The following JAG2 variants were observed in gnomAD, a reference collection of about 807,000 sequenced individuals.
JAG2 encodes the protein jagged canonical Notch ligand 2.
In JAG2, 46 loss-of-function variants were observed where a neutral mutation model predicts 141.7. The observed-to-expected ratio is 0.32, with a 90% CI of 0.26 to 0.42. The LOEUF (loss-of-function observed/expected upper bound fraction) is 0.42, where lower values mean the gene tolerates loss of function less well. Among genes scored for constraint, JAG2 ranks in the 10% least tolerant of loss-of-function variants. The pLI is 1.00. For synonymous variants in JAG2, 862 were observed against 763.5 expected, an observed-to-expected ratio of 1.13 and a Z score of -2.13; for missense variants, 1,500 against 1,817.5, an observed-to-expected ratio of 0.83 and a Z score of 3.18.
intron 18 of JAG2, 38 bp from the exon 19 acceptor site, chr14:105,147,565 ACCC>A (rs1267353079): frequency 1.9e-6 from 3 of 1,598,606 alleles, no homozygotes; most frequent in East Asian, 4.5e-5. Context: ...ATCAGTACCC[ACCC>A]CCCAAGCGTG....
intron 7 of JAG2, 55 bp downstream of exon 7, chr14:105,151,879 GCTCC>G: frequency 1.2e-6 from 2 of 1,611,220 alleles, no homozygotes; most frequent in Non-Finnish European, 1.7e-6. Flanking sequence ...GGCCTGACCG[GCTCC>G]CCAGGGAACC....
At chr14:105,150,006 T>G (rs1028639094) in intron 12 of JAG2, among the ~76,000 whole-genome samples, 1 of 11,018 alleles carries the variant, frequency 9.1e-5, no homozygotes, top group South Asian at 3.4e-3. Flanking sequence ...AGGGGAGGGG[T>G]GATAGTGAGG....
chr14:105,146,682 G>C lies in JAG2; in HGVS notation c.2522C>G (p.Thr841Arg). ...CQSSPCAYGA[T>R]CVDEINGYRC... is the part of the protein sequence containing the mutation. ...ATACCCGTTGATCTCATCCACACAC[G>C]TGGCCCCGTAGGCACAGGGCGAGGA... Residue 841 changes from threonine to arginine, a missense_variant, in exon 21 of 26, where the codon ACG (threonine) becomes AGG (arginine). Around this residue, in one of 3 missense-constraint regions of JAG2, gnomAD observed 875 missense variants for 1,202.2 expected, o/e 0.73. Transcript: ENST00000331782. 6.2e-7 allele frequency: 1 copy of C among 1,612,686 alleles called. No individual in the cohort carries two copies. Among genetic ancestry groups the C allele is most frequent in the Non-Finnish European group, 8.5e-7 (1 of 1,179,872 alleles).
chr14:105,157,816 G>A (rs587738419), intron 2 of JAG2, 53 bp from the exon 3 acceptor site: 132 of 1,482,742 alleles, frequency 8.9e-5, no homozygotes, highest in Non-Finnish European at 1.2e-4. Flanking sequence ...TGCCTGCCTC[G>A]TTCAGGGTGG....
Position 105,152,406 on chromosome 14 carries a change from CT to C in JAG2, c.789-116del, listed in dbSNP as rs1888464871. The C allele has an allele frequency of 7.2e-6, 9 of 1,246,668 alleles. No individual in the cohort carries two copies. In the Admixed American group the frequency reaches 1.6e-4, roughly 22 times the overall value. 77.2% of individuals were successfully genotyped at this position (1,246,668 alleles called of 1,614,324 possible). ...CCAGGGCCGGCGGGCGGCCTCAGGC[CT>C]TTGAACTGGAGCAGCCCCAGCCAGG... is the stretch of plus-strand genomic sequence containing the variant. On this transcript the variant is annotated intron_variant, in intron 5 of 25. Coordinates refer to ENST00000331782, the MANE Select transcript of JAG2 (RefSeq NM_002226.5).
At position 105,168,369 on chromosome 14, in the gene JAG2, C is replaced by A; in HGVS notation, c.52G>T (p.Ala18Ser). ...GCCCCGCTCACCTGCACCCAGAGCGCCAGCAGCAGCAGCAGCCGCCGGGGA... is the reference window on the plus strand; with the variant it reads ...GCCCCGCTCACCTGCACCCAGAGCGACAGCAGCAGCAGCAGCCGCCGGGGA... Reference protein sequence around the residue: ...RLPRRLLLLLALWVQAARPMG... With the variant: ...RLPRRLLLLLSLWVQAARPMG... The change falls in exon 1 of 26, where the codon GCG (alanine) becomes TCG (serine). Residue 18 changes from alanine (A) to serine (S), a missense_variant. Physicochemically the swap from Ala to Ser is moderately conservative, Grantham distance 99. Coordinates refer to ENST00000331782, the MANE Select transcript of JAG2 (RefSeq NM_002226.5). The A allele has an allele frequency of 9.9e-7, 1 of 1,012,358 alleles. No homozygotes were observed. The highest frequency in any genetic ancestry group is 1.2e-6 in the Non-Finnish European group (1 of 820,446). The allele number at this position is 1,012,358 out of a possible 1,614,324, so 62.7% of individuals were successfully genotyped here. A position where few individuals can be genotyped will look rare whatever the true frequency, so the allele number is the denominator to read the frequency against.
chr14:105,148,713 C>A, intron 15 of JAG2, 32 bp downstream of exon 15: 1 of 1,520,942 alleles, frequency 6.6e-7, no homozygotes, highest in Non-Finnish European at 8.9e-7. Context: ...GGTGGAGGCA[C>A]AGGCCGTGTG....
In JAG2 at chr14:105,167,036, C is replaced by T. The variant is rs1373637647; in HGVS notation, c.417+721G>A. Among the ~76,000 whole-genome samples the T allele has an allele frequency of 1.3e-5, 2 of 152,156 alleles. No individual in the cohort carries two copies. Among genetic ancestry groups the T allele is most frequent in the South Asian group, 2.1e-4 (1 of 4,832 alleles). ...TTTCCCAGTGACACTGGACCCCTAC[C>T]ACCCCTCCTCCCAGCACGCCCAGGC... On this transcript the variant is annotated intron_variant, in intron 2 of 25. Transcript: ENST00000331782. This position sits in a 1 kb window ranked among gnomAD's most constrained non-coding sequence, Gnocchi z 4.8.
chr14:105,168,318 C>G, intron 1 of JAG2, 37 bp downstream of exon 1: 2 of 738,484 alleles, frequency 2.7e-6, no homozygotes, highest in Middle Eastern at 6.4e-4. Flanking sequence ...CGGTGTGCCC[C>G]GTCCGCGACC....
chr14:105,166,270 C>T (rs940571969), intron 2 of JAG2, among the ~76,000 whole-genome samples: 1 of 152,264 alleles, frequency 6.6e-6, no homozygotes, highest in Non-Finnish European at 1.5e-5. Flanking sequence ...CACATTCCTC[C>T]AAGACCTCCC....
chr14:105,148,433 T>C lies in JAG2; in HGVS notation c.2027A>G (p.Asn676Ser). Reference sequence around the variant, plus strand: ...GTGGCAGGGATCGGGAAGGCAGTCGTTGGGATCTGGGGGCGAGGACGCCGG... The same window carrying C: ...GTGGCAGGGATCGGGAAGGCAGTCGCTGGGATCTGGGGGCGAGGACGCCGG... ...WEGELCDTNP[N>S]DCLPDPCHSR... The change falls in exon 16 of 26, where the codon AAC becomes AGC. Residue 676 changes from asparagine (N) to serine (S), a missense_variant. Physicochemically the swap from Asn to Ser is conservative, Grantham distance 46 (BLOSUM62 1). Coordinates refer to ENST00000331782, the MANE Select transcript of JAG2 (RefSeq NM_002226.5). 1 of 1,610,828 alleles carries C rather than the reference T, an allele frequency of 6.2e-7. No homozygotes were observed. Among genetic ancestry groups the C allele is most frequent in the South Asian group, 1.1e-5 (1 of 91,002 alleles).
At chr14:105,152,386 G>A in intron 5 of JAG2, 95 bp from the exon 6 acceptor site, 1 of 1,453,780 alleles carries the variant, frequency 6.9e-7, no homozygotes, top group Non-Finnish European at 9.4e-7. Context: ...CACACCCAGG[G>A]CCGGCGGGCG....
At chr14:105,157,133 C>T (rs893760262) in intron 3 of JAG2, among the ~76,000 whole-genome samples, 18 of 152,194 alleles carry the variant, frequency 1.2e-4, no homozygotes, top group Non-Finnish European at 2.1e-4. Context: ...ACAGCCCACC[C>T]TCCATAAGGC....
chr14:105,145,840 TC>T lies in JAG2; in HGVS notation c.2842del (p.Glu948SerfsTer94). The T allele has an allele frequency of 1.3e-6, 2 of 1,561,056 alleles. No homozygotes were observed. The highest frequency in any genetic ancestry group is 1.2e-5 in the South Asian group (1 of 84,924). On this transcript the variant is annotated frameshift_variant, in exon 23 of 26. Transcript: ENST00000331782. LOFTEE classifies it high-confidence loss of function. ...GCTCGGTGGCTCTTCTGCGCCGCAC[TC>T]CCCCCAGGCCTCACAGGGTGGTCGC... ...CLRPPCEAWG[E>X]CGAEEPPSTP...
At position 105,146,477 on chromosome 14, in the gene JAG2, A is replaced by G. The variant is rs757781303; in HGVS notation, c.2617T>C (p.Trp873Arg). 1.4e-5 allele frequency: 23 copies of G among 1,612,662 alleles called. 1 individual carries two copies. Among genetic ancestry groups the G allele is most frequent in the Non-Finnish European group, 1.9e-5 (23 of 1,179,916 alleles). Residue 873 changes from tryptophan to arginine, a missense_variant, in exon 22 of 26, where the codon TGG (tryptophan) becomes CGG (arginine). Coordinates refer to ENST00000331782, the MANE Select transcript of JAG2 (RefSeq NM_002226.5). ...QEVIGFGRSC[W>R]SRGTPFPHGS... ...TGTGGGAACGGAGTGCCCCGGGACC[A>G]GCAGGATCTCCCGAACCCGATCACT...
In JAG2 at chr14:105,147,820, A is replaced by G. The variant is rs1371600882; in HGVS notation, c.2317T>C (p.Phe773Leu). 6.5e-7 allele frequency: 1 copy of G among 1,550,154 alleles called. No homozygotes were observed. The highest frequency in any genetic ancestry group is 8.7e-7 in the Non-Finnish European group (1 of 1,147,724). ...GGTCVGSGAS[F>L]SCICRDGWEG... ...CAGCCGTCCCGGCAGATGCAGGAGA[A>G]GGAGGCCCCGCTGCCCACGCAGGTG... The change falls in exon 18 of 26, where the codon TTC (phenylalanine) becomes CTC (leucine). Residue 773 changes from phenylalanine to leucine, a missense_variant. Physicochemically the swap from Phe to Leu is conservative, Grantham distance 22. Coordinates refer to ENST00000331782, the MANE Select transcript of JAG2 (RefSeq NM_002226.5).
rs901157014 is a variant in JAG2, at chr14:105,150,658, C to G, written c.1548G>C (p.Leu516=). ...PCHSGGLCED[L]ADGFHCHCPQ... Reference sequence around the variant, plus strand: ...GGCAGTGGCAGTGGAAGCCGTCGGCCAGGTCCTCGCAGAGGCCGCCGCTGT... The same window carrying G: ...GGCAGTGGCAGTGGAAGCCGTCGGCGAGGTCCTCGCAGAGGCCGCCGCTGT... Residue 516 remains leucine, a synonymous_variant, in exon 12 of 26, where the codon CTG becomes CTC. Coordinates refer to ENST00000331782, the MANE Select transcript of JAG2 (RefSeq NM_002226.5). The G allele has an allele frequency of 2.6e-6, 4 of 1,549,952 alleles. No homozygotes were observed. In the African/African-American group the frequency reaches 5.5e-5, roughly 21 times the overall value.
At chr14:105,144,848 G>C in intron 24 of JAG2, 82 bp downstream of exon 24, 2 of 1,536,904 alleles carry the variant, frequency 1.3e-6, no homozygotes, top group Non-Finnish European at 8.8e-7. Flanking sequence ...AGCCTCGCCA[G>C]AGCCTCTGTC....
chr14:105,148,136 T>C lies in JAG2; in HGVS notation c.2228A>G (p.Lys743Arg). The C allele has an allele frequency of 6.5e-7, 1 of 1,548,938 alleles. No homozygotes were observed. Among genetic ancestry groups the C allele is most frequent in the Admixed American group, 2.0e-5 (1 of 50,976 alleles). ...TFRCACPPGWKGSTCAVAKNS... is the reference protein window; with the variant it reads ...TFRCACPPGWRGSTCAVAKNS... ...CTCACCGACGGCGCAGGTGCTGCCC[T>C]TCCAGCCGGGGGGGCAGGCGCAGCG... Residue 743 changes from lysine (K) to arginine (R), a missense_variant, in exon 17 of 26, where the codon AAG becomes AGG. Physicochemically the swap from Lys to Arg is conservative, Grantham distance 26 (BLOSUM62 2). Around this residue, in one of 3 missense-constraint regions of JAG2, gnomAD observed 875 missense variants for 1,202.2 expected, o/e 0.73. Transcript: ENST00000331782.
Sources: gnomAD v4.1 joint callset for allele counts (sites outside exome capture counted in the v4.1 genomes callset) on GRCh38, gnomAD v4.1.1 for gene constraint, gnomAD v4.1.1 regional missense constraint, Gnocchi (gnomAD v3.1) non-coding constraint, MANE v1.5 for transcripts, NCBI Gene and HGNC (gene_info 2026-07-23, HGNC 2026-07-21) for gene names.